Variants in NTM observed in about 807,000 individuals in gnomAD.
NTM encodes neurotrimin.
Under a neutral mutation model 42.1 loss-of-function variants are expected in NTM, and 13 were observed. That is an observed-to-expected ratio of 0.31 (90% CI 0.20 to 0.49). The LOEUF is 0.49. NTM is among the 20% of genes least tolerant of loss of function. NTM has a pLI of 0.99. For synonymous variants in NTM, 187 were observed against 179.2 expected, an observed-to-expected ratio of 1.04 and a Z score of -0.35; for missense variants, 373 against 452.8, an observed-to-expected ratio of 0.82 and a Z score of 1.60.
At chr11:132,041,223 G>T (rs1001415945) in intron 2 of NTM, among the ~76,000 whole-genome samples, 27 of 106,888 alleles carry the variant, frequency 2.5e-4, no homozygotes, top group East Asian at 1.1e-3. Context: ...GAGAGAGAGA[G>T]AGATAGATAG....
In NTM at chr11:131,521,383, C is replaced by CTTTTTTTTTT. The variant is rs773233050; in HGVS notation, c.82+150525_82+150534dup. Among the ~76,000 whole-genome samples the CTTTTTTTTTT allele has an allele frequency of 5.0e-4, 23 of 45,756 alleles. 9 individuals carry two copies. Among genetic ancestry groups the CTTTTTTTTTT allele is most frequent in the African/African-American group, 8.6e-4 (10 of 11,640 alleles). The allele number at this position is 45,756 out of a possible 152,430, so 30.0% of individuals were successfully genotyped here. On this transcript the variant is annotated intron_variant, in intron 1 of 8. Transcript: ENST00000683400. ...AATGCAGAAGAAGCAAGGTGCCAGTCTTTTTTTTTTTTTTTTTTTTTTTTT... is the reference window on the plus strand; with the variant it reads ...AATGCAGAAGAAGCAAGGTGCCAGTCTTTTTTTTTTTTTTTTTTTTTTTTTTTTTTTTTTT...
At chr11:131,809,344 G>C (rs976752680) in intron 1 of NTM, among the ~76,000 whole-genome samples, 1 of 152,208 alleles carries the variant, frequency 6.6e-6, no homozygotes, top group Admixed American at 6.5e-5. Flanking sequence ...CACTGCCTGT[G>C]TCTGATTCAC....
At chr11:132,228,316 C>G (rs1390692029) in intron 4 of NTM, among the ~76,000 whole-genome samples, 4 of 152,188 alleles carry the variant, frequency 2.6e-5, no homozygotes, top group African/African-American at 4.8e-5. Flanking sequence ...GCAGAGGAAG[C>G]AGGCAGCCTC....
chr11:131,689,371 A>T (rs888837248), intron 1 of NTM, among the ~76,000 whole-genome samples: 2 of 152,214 alleles, frequency 1.3e-5, no homozygotes, highest in African/African-American at 2.4e-5. Flanking sequence ...GGCTGGAAGG[A>T]CTGAGAAAGG....
At chr11:132,026,015 C>A (rs192725143) in intron 2 of NTM, among the ~76,000 whole-genome samples, 16 of 152,102 alleles carry the variant, frequency 1.1e-4, no homozygotes, top group Non-Finnish European at 1.2e-4. Context: ...TTCTCTGTGT[C>A]GTGTGTCTGT....
intron 2 of NTM, among the ~76,000 whole-genome samples, chr11:131,982,289 C>T (rs1222872693): frequency 6.6e-6 from 1 of 152,006 alleles, no homozygotes; most frequent in Non-Finnish European, 1.5e-5. Flanking sequence ...AGTTTGCAAC[C>T]CTCCCCAGTG....
intron 2 of NTM, among the ~76,000 whole-genome samples, chr11:132,088,128 C>G (rs558372281): frequency 6.6e-6 from 1 of 152,118 alleles, no homozygotes; most frequent in Admixed American, 6.5e-5. Flanking sequence ...GTGGAACACC[C>G]CCAATATTGT....
intron 3 of NTM, among the ~76,000 whole-genome samples, chr11:132,169,024 A>G (rs1317156153): frequency 1.4e-5 from 1 of 70,884 alleles, no homozygotes; most frequent in African/African-American, 5.9e-5. Flanking sequence ...CTCTCTAGAT[A>G]TTATCAAACT....
At chr11:131,614,021 G>A (rs2061685016) in intron 1 of NTM, among the ~76,000 whole-genome samples, 1 of 152,204 alleles carries the variant, frequency 6.6e-6, no homozygotes, top group Non-Finnish European at 1.5e-5. Flanking sequence ...TCAAATAGTG[G>A]TGTCATAGAA....
chr11:132,105,402 T>A (rs774759485), intron 2 of NTM, among the ~76,000 whole-genome samples: 4 of 152,052 alleles, frequency 2.6e-5, no homozygotes, highest in Non-Finnish European at 5.9e-5. Context: ...AAAAGAGAGC[T>A]ATTAAAATTC....
At chr11:131,405,078 C>T (rs1480741277) in intron 1 of NTM, among the ~76,000 whole-genome samples, 1 of 152,122 alleles carries the variant, frequency 6.6e-6, no homozygotes, top group Non-Finnish European at 1.5e-5. Flanking sequence ...TTTGTTGAGA[C>T]ACATGAAAGG....
chr11:132,089,964 C>T (rs1241392483), intron 2 of NTM, among the ~76,000 whole-genome samples: 2 of 152,054 alleles, frequency 1.3e-5, no homozygotes, highest in African/African-American at 4.8e-5. Flanking sequence ...TTAAATACTT[C>T]TTGTATTTAC....
intron 2 of NTM, among the ~76,000 whole-genome samples, chr11:131,973,884 C>G (rs1715477213): frequency 6.6e-6 from 1 of 152,098 alleles, no homozygotes; most frequent in Admixed American, 6.6e-5. Flanking sequence ...ACAACATGGG[C>G]TTGGACTGTG....
At chr11:132,017,570 G>A (rs2073636038) in intron 2 of NTM, among the ~76,000 whole-genome samples, 1 of 151,972 alleles carries the variant, frequency 6.6e-6, no homozygotes. Flanking sequence ...TAATTTTATA[G>A]TAAGTTTGAA....
chr11:131,866,352 T>C (rs1192630780), intron 1 of NTM, among the ~76,000 whole-genome samples: 2 of 152,242 alleles, frequency 1.3e-5, no homozygotes, highest in African/African-American at 4.8e-5. Context: ...CATCTGCAGG[T>C]TGCTGGCTGT....
At chr11:131,714,617 G>A (rs2077500699) in intron 1 of NTM, among the ~76,000 whole-genome samples, 1 of 152,184 alleles carries the variant, frequency 6.6e-6, no homozygotes, top group African/African-American at 2.4e-5. Context: ...TCCTGCCGTA[G>A]GGAGTCCTTT....
At chr11:132,042,079 T>C (rs1278098705) in intron 2 of NTM, among the ~76,000 whole-genome samples, 2 of 152,198 alleles carry the variant, frequency 1.3e-5, no homozygotes, top group Non-Finnish European at 2.9e-5. Flanking sequence ...GACTGTGTAT[T>C]GTTTTAAATG....
rs528630977 is a variant in NTM, at chr11:132,192,054, G to A, written c.401-19968G>A. On this transcript the variant is annotated intron_variant, in intron 3 of 8. Coordinates refer to ENST00000683400, the MANE Select transcript of NTM (RefSeq NM_001352005.2). ...AAACCTACAACTCATTGGCATTCCT[G>A]AAAGAGGAGAGAAAACAAGCAACTT... Among the ~76,000 whole-genome samples the A allele has an allele frequency of 1.2e-3, 178 of 152,268 alleles. 1 individual carries two copies. Among genetic ancestry groups the A allele is most frequent in the African/African-American group, 4.1e-3 (172 of 41,558 alleles).
intron 2 of NTM, among the ~76,000 whole-genome samples, chr11:131,948,125 G>A (rs2060545547): frequency 6.6e-6 from 1 of 152,064 alleles, no homozygotes; most frequent in Non-Finnish European, 1.5e-5. Flanking sequence ...ACTTTGGGAG[G>A]CCGAGGTGGG....
Sources: allele counts gnomAD v4.1 joint callset (sites outside exome capture counted in the v4.1 genomes callset), GRCh38; gene constraint gnomAD v4.1.1; transcripts MANE v1.5; gene names NCBI Gene and HGNC (gene_info 2026-07-23, HGNC 2026-07-21).